GOLGA4: variants seen among roughly 807,000 people sequenced by gnomAD.
GOLGA4 encodes the protein golgin subfamily A member 4.
A neutral mutation model predicts 265.9 loss-of-function variants in GOLGA4; 169 were observed. The ratio of observed to expected loss-of-function variants is 0.64; its 90% CI spans 0.56 to 0.72. GOLGA4 has a LOEUF of 0.72. Among genes scored for constraint, GOLGA4 ranks in the 30% least tolerant of loss-of-function variants. The pLI is 0.00. For missense variants in GOLGA4, 2,482 were observed against 2,483.4 expected (o/e 1.00, Z 0.01); for synonymous variants, 923 against 855.8 (o/e 1.08, Z -1.37).
chr3:37,248,848 A>C (rs1411812848), intron 1 of GOLGA4, among the ~76,000 whole-genome samples: 1 of 152,186 alleles, frequency 6.6e-6, no homozygotes, highest in Non-Finnish European at 1.5e-5. Context: ...CTTTTTAAGC[A>C]GTTGGAAGGT....
rs2097086932 is a variant in GOLGA4 at position 37,355,105 on chromosome 3, T to C, written c.6581T>C (p.Met2194Thr). ...CATCTCTTGTTTTTCTTGTAGACCA[T>C]GGCAAAAGTTATAACCACCGTACTG... ...EYMMGRETKT[M>T]AKVITTVLKF... The change falls in exon 22 of 24, where the codon ATG (methionine) becomes ACG (threonine). Residue 2194 changes from methionine to threonine, a missense_variant. Coordinates refer to ENST00000361924, the MANE Select transcript of GOLGA4 (RefSeq NM_002078.5). 1.3e-6 allele frequency: 2 copies of C among 1,590,792 alleles called. No homozygotes were observed. The highest frequency in any genetic ancestry group is 1.3e-5 in the African/African-American group (1 of 74,522).
intron 2 of GOLGA4, among the ~76,000 whole-genome samples, chr3:37,280,301 A>G (rs1028435612): frequency 1.3e-5 from 2 of 152,246 alleles, no homozygotes; most frequent in African/African-American, 4.8e-5. Flanking sequence ...TGGTGGTGCC[A>G]GACAACCATA....
chr3:37,309,521 C>T (rs1223837854), intron 10 of GOLGA4, among the ~76,000 whole-genome samples: 1 of 152,246 alleles, frequency 6.6e-6, no homozygotes, highest in East Asian at 1.9e-4. Flanking sequence ...TGCCATTGCA[C>T]TCCAGCCTGG....
At chr3:37,286,239 C>T (rs1217857283) in intron 4 of GOLGA4, among the ~76,000 whole-genome samples, 178 bp downstream of exon 4, 10 of 147,540 alleles carry the variant, frequency 6.8e-5, no homozygotes, top group Non-Finnish European at 1.0e-4. Flanking sequence ...CTGCAAGCTC[C>T]GCCTCCCGGG....
intron 10 of GOLGA4, among the ~76,000 whole-genome samples, chr3:37,310,994 T>TTTTTA (rs1428354787): frequency 6.6e-6 from 1 of 152,162 alleles, no homozygotes; most frequent in African/African-American, 2.4e-5. Flanking sequence ...TGAACATACT[T>TTTTTA]TTTTAGTACT....
chr3:37,337,023 C>T (rs1179215615), intron 17 of GOLGA4, 120 bp from the exon 18 acceptor site: 9 of 676,636 alleles, frequency 1.3e-5, no homozygotes, highest in Non-Finnish European at 2.1e-5. Context: ...CAAGTCTGAC[C>T]ACTCCCTTGA....
chr3:37,320,460 T>G (rs2096951707), intron 12 of GOLGA4: 1 of 152,222 alleles, frequency 6.6e-6, no homozygotes, highest in African/African-American at 2.4e-5. Context: ...GCAGTGATTC[T>G]TGAAATGAGT....
chr3:37,288,844 G>A (rs1401660489), intron 4 of GOLGA4, among the ~76,000 whole-genome samples: 1 of 152,180 alleles, frequency 6.6e-6, no homozygotes, highest in Non-Finnish European at 1.5e-5. Flanking sequence ...AGAACAGGCT[G>A]TTAATTGATG....
chr3:37,354,893 AAAT>A (rs1367719486), intron 21 of GOLGA4, among the ~76,000 whole-genome samples: 7 of 152,114 alleles, frequency 4.6e-5, no homozygotes, highest in African/African-American at 1.4e-4. Context: ...CATCTTGTTA[AAAT>A]AATATGTGTA....
chr3:37,336,947 G>A (rs1029337841), intron 17 of GOLGA4, among the ~76,000 whole-genome samples, 196 bp from the exon 18 acceptor site: 1 of 152,006 alleles, frequency 6.6e-6, no homozygotes, highest in Non-Finnish European at 1.5e-5. Flanking sequence ...TGTATTTAGA[G>A]TATAATATTT....
At chr3:37,337,193 C>CT (rs746251933) in intron 18 of GOLGA4, 30 bp downstream of exon 18, 124 of 898,738 alleles carry the variant, frequency 1.4e-4, no homozygotes, top group Middle Eastern at 9.8e-4. Flanking sequence ...TTTTTTTTTT[C>CT]TTTTTTTTCT....
At chr3:37,277,264 T>A (rs1404057263) in intron 2 of GOLGA4, among the ~76,000 whole-genome samples, 1 of 152,336 alleles carries the variant, frequency 6.6e-6, no homozygotes, top group Non-Finnish European at 1.5e-5. Context: ...CAAGACTTTA[T>A]TGAGATCAGT....
chr3:37,361,312 G>A lies in GOLGA4; in HGVS notation c.*33+7G>A, dbSNP rs1696252527. The A allele has an allele frequency of 6.3e-7, 1 of 1,596,236 alleles. No homozygotes were observed. Among genetic ancestry groups the A allele is most frequent in the East Asian group, 2.2e-5 (1 of 44,710 alleles). On this transcript the variant is annotated splice_region_variant and intron_variant, in intron 23 of 23. Transcript: ENST00000361924. ...TGTGCTTAGTTAACATGTGGTGAGT[G>A]AAGAACAATGTCTTGTGTCTTTTGT...
intron 3 of GOLGA4, among the ~76,000 whole-genome samples, chr3:37,285,180 T>C (rs1380294538): frequency 2.1e-5 from 3 of 145,422 alleles, no homozygotes; most frequent in Non-Finnish European, 4.5e-5. Flanking sequence ...TTTTAAATTA[T>C]AATAGAGACA....
At chr3:37,350,184 G>A (rs1291134535) in intron 21 of GOLGA4, among the ~76,000 whole-genome samples, 8 of 152,168 alleles carry the variant, frequency 5.3e-5, no homozygotes, top group Non-Finnish European at 1.0e-4. Flanking sequence ...TGTATGTAGA[G>A]TAGACAGTCT....
chr3:37,343,321 A>T (rs2097044476), intron 20 of GOLGA4, among the ~76,000 whole-genome samples: 1 of 152,176 alleles, frequency 6.6e-6, no homozygotes, highest in South Asian at 2.1e-4. Context: ...GGGTTTCTCC[A>T]TGTTGGTCAG....
At position 37,250,802 on chromosome 3, in the gene GOLGA4, G is replaced by A. The variant is rs141424139; in HGVS notation, c.73-593G>A. 2.4e-3 allele frequency among the ~76,000 whole-genome samples: 359 copies of A among 152,180 alleles called. 4 individuals are homozygous for A. The highest frequency in any genetic ancestry group is 8.2e-3 in the African/African-American group (341 of 41,516). ...AGTTTTTTTGCGCTGAGGGTTATAG[G>A]AGTCAGGCTGTCAATTACAGAGCTA... On this transcript the variant is annotated intron_variant, in intron 1 of 23. Transcript: ENST00000361924.
chr3:37,340,276 T>C (rs1169731575), intron 20 of GOLGA4, 77 bp downstream of exon 20: 2 of 596,362 alleles, frequency 3.4e-6, no homozygotes, highest in Non-Finnish European at 5.8e-6. Flanking sequence ...ATTTTTGTTT[T>C]TGCTAATTTA....
intron 11 of GOLGA4, among the ~76,000 whole-genome samples, chr3:37,316,456 A>C (rs1370140712): frequency 6.6e-6 from 1 of 152,114 alleles, no homozygotes; most frequent in East Asian, 1.9e-4. Context: ...AGGGGGGCAA[A>C]TTATATTTCT....
Sources: allele counts gnomAD v4.1 joint callset (sites outside exome capture counted in the v4.1 genomes callset), GRCh38; gene constraint gnomAD v4.1.1; transcripts MANE v1.5; gene names NCBI Gene and HGNC (gene_info 2026-07-23, HGNC 2026-07-21).